Variants in ANKFN1 observed in about 807,000 individuals in gnomAD.
ANKFN1 encodes the protein ankyrin repeat and fibronectin type III domain containing 1, also known as ankyrin repeat and fibronectin type-III domain-containing protein 1.
ANKFN1 carries 74 observed loss-of-function variants against 108.7 expected under a neutral mutation model. The ratio of observed to expected loss-of-function variants is 0.68; its 90% CI spans 0.56 to 0.83. The LOEUF is 0.83. ANKFN1 is among the 40% of genes least tolerant of loss of function. ANKFN1 has a pLI of 0.00. For missense variants in ANKFN1, 1,505 were observed against 1,382.3 expected, an observed-to-expected ratio of 1.09 and a Z score of -1.41; for synonymous variants, 547 against 516.2, an observed-to-expected ratio of 1.06 and a Z score of -0.81.
intron 3 of ANKFN1, among the ~76,000 whole-genome samples, chr17:56,303,853 T>TC (rs1226375757): frequency 1.4e-5 from 2 of 140,928 alleles, no homozygotes; most frequent in Non-Finnish European, 3.2e-5. Context: ...CTGAGCCAAT[T>TC]TTTTTTTTTT....
intron 4 of ANKFN1, among the ~76,000 whole-genome samples, chr17:56,049,020 G>C (rs1396655008): frequency 6.6e-6 from 1 of 152,206 alleles, no homozygotes; most frequent in Non-Finnish European, 1.5e-5. Flanking sequence ...TTTAGTGATG[G>C]AGGCCAGACA....
intron 1 of ANKFN1, among the ~76,000 whole-genome samples, chr17:56,153,874 G>T (rs563030531): frequency 1.3e-5 from 2 of 152,250 alleles, no homozygotes; most frequent in Non-Finnish European, 2.9e-5. Flanking sequence ...GGGATTACTT[G>T]TCTCCATGTT....
chr17:56,181,372 C>A (rs1293679556), intron 1 of ANKFN1, among the ~76,000 whole-genome samples: 1 of 152,120 alleles, frequency 6.6e-6, no homozygotes. Context: ...TACTGTGTGC[C>A]AAATCCTTTA....
At position 56,516,816 on chromosome 17, in the gene ANKFN1, C is replaced by T. The variant is rs1384518211; in HGVS notation, c.*5547C>T. 1.3e-5 allele frequency among the ~76,000 whole-genome samples: 2 copies of T among 152,136 alleles called. No individual in the cohort carries two copies. The highest frequency in any genetic ancestry group is 4.8e-5 in the African/African-American group (2 of 41,426). On this transcript the variant is annotated 3_prime_UTR_variant, in exon 21 of 21. Coordinates refer to ENST00000682825, the MANE Select transcript of ANKFN1 (RefSeq NM_001370326.1). ...TGTCGACAGAAGAAATCTAAGCTAT[C>T]AGAGGGAATGACTTTATTTCATAAG...
rs2050663424 is a variant in ANKFN1, at chr17:56,480,711, A to G, written c.1984A>G (p.Met662Val). The change falls in exon 17 of 21, where the codon ATG becomes GTG. Residue 662 changes from methionine to valine, a missense_variant. Physicochemically the swap from Met to Val is conservative, Grantham distance 21 (BLOSUM62 1). Coordinates refer to ENST00000682825, the MANE Select transcript of ANKFN1 (RefSeq NM_001370326.1). Reference sequence around the variant, plus strand: ...CCAAAAGCTTTCTGGCTCTGAATCTATGGAAAGTGTGGATCATACTTCTGA... The same window carrying G: ...CCAAAAGCTTTCTGGCTCTGAATCTGTGGAAAGTGTGGATCATACTTCTGA... Reference protein sequence around the residue: ...WIQKLSGSESMESVDHTSDCP... With the variant: ...WIQKLSGSESVESVDHTSDCP... 2.5e-6 allele frequency: 4 copies of G among 1,613,894 alleles called. No homozygotes were observed. The highest frequency in any genetic ancestry group is 1.3e-5 in the African/African-American group (1 of 74,906).
rs1258707601 is a variant in ANKFN1 at position 56,515,586 on chromosome 17, AAAC to A, written c.*4323_*4325del. ...AAGCTAAACTTCAATGCGGCCTTAC[AAAC>A]AACAAGGGTAGTGTATTTGAAACCA... On this transcript the variant is annotated 3_prime_UTR_variant, in exon 21 of 21. Transcript: ENST00000682825. Among the ~76,000 whole-genome samples, 5 of 152,224 alleles carry A rather than the reference AAAC, an allele frequency of 3.3e-5. No homozygotes were observed. Among genetic ancestry groups the A allele is most frequent in the African/African-American group, 1.2e-4 (5 of 41,448 alleles).
At chr17:56,369,364 AG>A (rs1408817153) in intron 6 of ANKFN1, among the ~76,000 whole-genome samples, 1 of 152,224 alleles carries the variant, frequency 6.6e-6, no homozygotes, top group Non-Finnish European at 1.5e-5. Context: ...CTATCAACAA[AG>A]AATGGGCTTG....
chr17:56,185,044 C>T (rs994150630), intron 1 of ANKFN1: 1 of 152,186 alleles, frequency 6.6e-6, no homozygotes, highest in Non-Finnish European at 1.5e-5. Context: ...GTGAATTTGT[C>T]TTTTTTGTGG....
In ANKFN1 at chr17:56,456,898, A is replaced by G; in HGVS notation, c.1245A>G (p.Ser415=). ...TACAAACCACAGGCCGCAAGCAGTC[A>G]GTCTCAAGAAGCCTGAAACACCTGT... is the stretch of plus-strand genomic sequence containing the variant. ...TKLQTTGRKQ[S]VSRSLKHLFH... Residue 415 remains serine, a synonymous_variant, in exon 12 of 21, where the codon TCA becomes TCG. Transcript: ENST00000682825. 6.2e-7 allele frequency: 1 copy of G among 1,614,180 alleles called. No individual in the cohort carries two copies. Among genetic ancestry groups the G allele is most frequent in the Non-Finnish European group, 8.5e-7 (1 of 1,180,016 alleles).
At chr17:56,381,535 T>C (rs1162852576) in intron 8 of ANKFN1, among the ~76,000 whole-genome samples, 1 of 152,098 alleles carries the variant, frequency 6.6e-6, no homozygotes, top group Non-Finnish European at 1.5e-5. Flanking sequence ...TTGAAAACTT[T>C]GAAAAAAATT....
chr17:56,274,248 C>T (rs1345435987), intron 3 of ANKFN1, among the ~76,000 whole-genome samples: 1 of 152,040 alleles, frequency 6.6e-6, no homozygotes, highest in African/African-American at 2.4e-5. Flanking sequence ...CCGAGGCAGG[C>T]GGATCACGAG....
intron 14 of ANKFN1, 147 bp from the exon 15 acceptor site, chr17:56,466,209 A>T (rs2050067213): frequency 3.0e-6 from 2 of 673,936 alleles, no homozygotes; most frequent in East Asian, 5.5e-5. Flanking sequence ...CTATGATGCC[A>T]TATATTCTAG....
chr17:56,494,109 G>A (rs1359975911), intron 19 of ANKFN1, among the ~76,000 whole-genome samples: 1 of 152,090 alleles, frequency 6.6e-6, no homozygotes, highest in Non-Finnish European at 1.5e-5. Context: ...TGTGAGATTC[G>A]AGGTGTTTGA....
At chr17:56,114,950 C>T (rs558621281) in intron 4 of ANKFN1, among the ~76,000 whole-genome samples, 144 of 152,266 alleles carry the variant, frequency 9.5e-4, no homozygotes, top group African/African-American at 2.6e-3. Flanking sequence ...GCACAGCCCC[C>T]GGAAGCTGGA....
Position 56,512,063 on chromosome 17 carries a change from G to A in ANKFN1, c.*794G>A, listed in dbSNP as rs2051791866. Among the ~76,000 whole-genome samples, 1 of 152,190 alleles carries A rather than the reference G, an allele frequency of 6.6e-6. No individual in the cohort carries two copies. Among genetic ancestry groups the A allele is most frequent in the African/African-American group, 2.4e-5 (1 of 41,436 alleles). On this transcript the variant is annotated 3_prime_UTR_variant, in exon 21 of 21. Transcript: ENST00000682825. ...AGATTTTTACAGGGGTCAAGGAGAT[G>A]GCTAAGCAAAGTGAAAGCCTGAATT...
rs146021870 is a variant in ANKFN1, at chr17:56,235,553, G to A, written c.53+7596G>A. On this transcript the variant is annotated intron_variant, in intron 3 of 20. Coordinates refer to ENST00000682825, the MANE Select transcript of ANKFN1 (RefSeq NM_001370326.1). ...GTACATGGTGTAAGGAAAGGGTCCC[G>A]TTTCAATCTTCTGCATATGGCTAGC... Among the ~76,000 whole-genome samples, 28 of 152,168 alleles carry A rather than the reference G, an allele frequency of 1.8e-4. 1 individual carries two copies. The highest frequency in any genetic ancestry group is 1.7e-3 in the South Asian group (8 of 4,816).
chr17:56,333,837 A>G (rs1042490663), intron 4 of ANKFN1, among the ~76,000 whole-genome samples: 16 of 152,126 alleles, frequency 1.1e-4, no homozygotes, highest in Admixed American at 4.6e-4. Flanking sequence ...GTAAAACTAG[A>G]AATTAACATT....
intron 4 of ANKFN1, among the ~76,000 whole-genome samples, chr17:56,077,907 C>T (rs944923760): frequency 1.9e-4 from 29 of 152,118 alleles, no homozygotes; most frequent in African/African-American, 6.8e-4. Flanking sequence ...TACATCATCT[C>T]GTTTAAGTCT....
chr17:56,060,356 T>C (rs1019400914), intron 4 of ANKFN1, among the ~76,000 whole-genome samples: 2 of 152,180 alleles, frequency 1.3e-5, no homozygotes, highest in Admixed American at 1.3e-4. Flanking sequence ...TTTCTAAATA[T>C]AAAATCATGT....
Sources: allele counts gnomAD v4.1 joint callset (sites outside exome capture counted in the v4.1 genomes callset), GRCh38; gene constraint gnomAD v4.1.1; transcripts MANE v1.5; gene names NCBI Gene and HGNC (gene_info 2026-07-23, HGNC 2026-07-21).